Variants in KCNJ12 observed in about 807,000 individuals in gnomAD.
KCNJ12 encodes the protein ATP-sensitive inward rectifier potassium channel 12.
In KCNJ12, 2 loss-of-function variants were observed where a neutral mutation model predicts 22.3. That is an observed-to-expected ratio of 0.09 (90% CI 0.04 to 0.28). The LOEUF is 0.28. Among genes scored for constraint, KCNJ12 ranks in the 10% least tolerant of loss-of-function variants. KCNJ12 has a pLI of 1.00. For missense variants in KCNJ12, 155 were observed against 633.3 expected, an observed-to-expected ratio of 0.24 and a Z score of 8.11; for synonymous variants, 117 against 261.4, an observed-to-expected ratio of 0.45 and a Z score of 5.33.
intron 1 of KCNJ12, among the ~76,000 whole-genome samples, chr17:21,381,134 A>G (rs915020711): frequency 3.4e-4 from 52 of 152,120 alleles, no homozygotes; most frequent in Non-Finnish European, 7.4e-5. Flanking sequence ...ATGCTGTCCT[A>G]GGGTCAGTGG....
At chr17:21,382,576 T>A (rs1245623283) in intron 1 of KCNJ12, among the ~76,000 whole-genome samples, 1 of 152,246 alleles carries the variant, frequency 6.6e-6, no homozygotes, top group Non-Finnish European at 1.5e-5. Flanking sequence ...GCGGCTTTAG[T>A]GGCCAGCAGT....
chr17:21,406,670 CT>C (rs1165572586), intron 1 of KCNJ12, among the ~76,000 whole-genome samples: 1 of 152,304 alleles, frequency 6.6e-6, no homozygotes, highest in African/African-American at 2.4e-5. Flanking sequence ...AGGGGCAGAG[CT>C]GGGATTTGAA....
intron 1 of KCNJ12, among the ~76,000 whole-genome samples, chr17:21,395,087 C>T (rs972416625): frequency 1.4e-4 from 22 of 151,944 alleles, no homozygotes; most frequent in African/African-American, 4.4e-4. Context: ...TACTTGAGGC[C>T]GGAAGTTCAA....
At chr17:21,396,788 G>A (rs1363992922) in intron 1 of KCNJ12, among the ~76,000 whole-genome samples, 1 of 152,230 alleles carries the variant, frequency 6.6e-6, no homozygotes, top group Non-Finnish European at 1.5e-5. Context: ...CAGGGGTGGG[G>A]CTAAGGCATC....
At chr17:21,393,648 C>T (rs1905262933) in intron 1 of KCNJ12, among the ~76,000 whole-genome samples, 1 of 152,236 alleles carries the variant, frequency 6.6e-6, no homozygotes, top group African/African-American at 2.4e-5. Context: ...CCTCATGGTT[C>T]CACAGTTGCT....
chr17:21,382,253 G>A (rs1365428251), intron 1 of KCNJ12, among the ~76,000 whole-genome samples: 1 of 152,246 alleles, frequency 6.6e-6, no homozygotes, highest in Non-Finnish European at 1.5e-5. Context: ...TTCCTTCTGA[G>A]GATCACAAGC....
intron 1 of KCNJ12, among the ~76,000 whole-genome samples, chr17:21,400,343 CTT>C (rs1905532939): frequency 6.6e-6 from 1 of 152,310 alleles, no homozygotes; most frequent in Non-Finnish European, 1.5e-5. Context: ...GGACTCTGCT[CTT>C]GTTTCCAGCC....
At chr17:21,385,064 C>T (rs541269837) in intron 1 of KCNJ12, among the ~76,000 whole-genome samples, 2 of 152,168 alleles carry the variant, frequency 1.3e-5, no homozygotes, top group South Asian at 2.1e-4. Flanking sequence ...CGTGAGCCAC[C>T]GTGCCCGACC....
chr17:21,411,609 T>C (rs1290570564), intron 2 of KCNJ12, among the ~76,000 whole-genome samples: 1 of 152,312 alleles, frequency 6.6e-6, no homozygotes, highest in South Asian at 2.1e-4. Flanking sequence ...TTGAATTGCT[T>C]TGTGACCTGG....
At chr17:21,388,143 G>T (rs1905123734) in intron 1 of KCNJ12, among the ~76,000 whole-genome samples, 1 of 152,192 alleles carries the variant, frequency 6.6e-6, no homozygotes, top group Non-Finnish European at 1.5e-5. Context: ...GCTCCTGCAG[G>T]GAGGGTGTTT....
At chr17:21,409,788 C>A (rs1369837372) in intron 2 of KCNJ12, among the ~76,000 whole-genome samples, 1 of 152,252 alleles carries the variant, frequency 6.6e-6, no homozygotes, top group Non-Finnish European at 1.5e-5. Flanking sequence ...GGGGCACCCA[C>A]CACCCCATGC....
At chr17:21,389,271 A>G (rs1597559524) in intron 1 of KCNJ12, among the ~76,000 whole-genome samples, 1 of 152,114 alleles carries the variant, frequency 6.6e-6, no homozygotes, top group Non-Finnish European at 1.5e-5. Flanking sequence ...TGGTCCAGGC[A>G]CCTCTTTCTT....
chr17:21,377,850 C>A (rs1027727957), intron 1 of KCNJ12, among the ~76,000 whole-genome samples: 2 of 152,210 alleles, frequency 1.3e-5, no homozygotes, highest in Non-Finnish European at 2.9e-5. Context: ...CTGGACTCGC[C>A]CGCACCTGGG....
intron 1 of KCNJ12, among the ~76,000 whole-genome samples, chr17:21,406,889 A>G (rs1905975485): frequency 6.6e-6 from 1 of 152,284 alleles, no homozygotes; most frequent in East Asian, 1.9e-4. Context: ...CACCGTGGAG[A>G]TCCTCAGAGC....
rs1209982638 is a variant in KCNJ12 at position 21,416,899 on chromosome 17, G to A, written c.*255G>A. On this transcript the variant is annotated 3_prime_UTR_variant, in exon 3 of 3. Transcript: ENST00000583088. The stretch of plus-strand genomic sequence containing the variant: ...GTGGCCTCCTGGGGGGCCAGGCCAC[G>A]AGGGCCAGGGCTTCTGCCTGAAGAT... 54 of 568,994 alleles carry A rather than the reference G, an allele frequency of 9.5e-5. No individual in the cohort carries two copies. Among genetic ancestry groups the A allele is most frequent in the Non-Finnish European group, 1.4e-4 (46 of 321,314 alleles). The allele number at this position is 568,994 out of a possible 1,614,324, so 35.2% of individuals were successfully genotyped here.
At chr17:21,385,400 C>G (rs1905040059) in intron 1 of KCNJ12, among the ~76,000 whole-genome samples, 1 of 152,222 alleles carries the variant, frequency 6.6e-6, no homozygotes, top group Non-Finnish European at 1.5e-5. Context: ...TTGGGCACTG[C>G]AGGCAAGACA....
At chr17:21,406,897 A>G (rs1386903077) in intron 1 of KCNJ12, among the ~76,000 whole-genome samples, 13 of 152,406 alleles carry the variant, frequency 8.5e-5, no homozygotes, top group African/African-American at 3.1e-4. Flanking sequence ...AGATCCTCAG[A>G]GCCCCTTCCC....
intron 1 of KCNJ12, among the ~76,000 whole-genome samples, chr17:21,389,087 T>C (rs1359423892): frequency 6.6e-6 from 1 of 152,162 alleles, no homozygotes; most frequent in African/African-American, 2.4e-5. Context: ...ATTTACCCCA[T>C]TTAAACTGCA....
At position 21,385,065 on chromosome 17, in the gene KCNJ12, G is replaced by A. The variant is rs543665132; in HGVS notation, c.-179+8152G>A. ...GCTGGGATTACAGGCGTGAGCCACC[G>A]TGCCCGACCCAGGAATGTCACTTTG... On this transcript the variant is annotated intron_variant, in intron 1 of 2. Transcript: ENST00000583088. Among the ~76,000 whole-genome samples, 5 of 152,096 alleles carry A rather than the reference G, an allele frequency of 3.3e-5. No homozygotes were observed. In the South Asian group the frequency reaches 6.2e-4, roughly 19 times the overall value.
Sources: allele counts gnomAD v4.1 joint callset (sites outside exome capture counted in the v4.1 genomes callset), GRCh38; gene constraint gnomAD v4.1.1; transcripts MANE v1.5; gene names NCBI Gene and HGNC (gene_info 2026-07-23, HGNC 2026-07-21).